The following EPHA5 variants were observed in gnomAD, a reference collection of about 807,000 sequenced individuals.
EPHA5 encodes the protein EPH receptor A5.
A neutral mutation model predicts 105.0 loss-of-function variants in EPHA5; 60 were observed. The observed-to-expected ratio is 0.57, with a 90% CI of 0.46 to 0.71. EPHA5 has a LOEUF of 0.71. EPHA5 is among the 30% of genes least tolerant of loss of function. The probability of loss-of-function intolerance (pLI) is 0.00; values close to 1 mark genes in which losing one functional copy is unlikely to be tolerated. For synonymous variants in EPHA5, 513 were observed against 449.1 expected, an observed-to-expected ratio of 1.14 and a Z score of -1.80; for missense variants, 1,218 against 1,274.7, an observed-to-expected ratio of 0.96 and a Z score of 0.68.
chr4:65,349,076 A>G (rs1410325708), intron 13 of EPHA5, among the ~76,000 whole-genome samples: 1 of 151,944 alleles, frequency 6.6e-6, no homozygotes, highest in East Asian at 1.9e-4. Flanking sequence ...TTAGCCTCCC[A>G]AAGTGCTGGG....
At chr4:65,468,558 A>G (rs949391135) in intron 5 of EPHA5, among the ~76,000 whole-genome samples, 2 of 61,178 alleles carry the variant, frequency 3.3e-5, no homozygotes, top group African/African-American at 1.4e-4. Flanking sequence ...TAATATATAT[A>G]TTATATATTA....
chr4:65,354,134 G>A (rs549276009), intron 11 of EPHA5, among the ~76,000 whole-genome samples: 2 of 151,690 alleles, frequency 1.3e-5, no homozygotes, highest in Admixed American at 6.6e-5. Flanking sequence ...GGGTTGTTGC[G>A]AGTATCTGCT....
At chr4:65,355,794 G>A (rs983193441) in intron 11 of EPHA5, among the ~76,000 whole-genome samples, 1 of 151,446 alleles carries the variant, frequency 6.6e-6, no homozygotes, top group African/African-American at 2.4e-5. Flanking sequence ...GGGCAACTCC[G>A]GCATCAGTTT....
rs76450921 is a variant in EPHA5, at chr4:65,374,168, G to A, written c.1794-6744C>T. On this transcript the variant is annotated intron_variant, in intron 8 of 16. Transcript: ENST00000613740. ...TGGTTGAGATGACAATAAAGGCAAC[G>A]GCAACTTAAACAATACCTTTGCTAA... Among the ~76,000 whole-genome samples the A allele has an allele frequency of 8.0e-3, 1,212 of 151,920 alleles. 13 individuals carry two copies. Among genetic ancestry groups the A allele is most frequent in the African/African-American group, 0.027 (1,133 of 41,480 alleles).
intron 8 of EPHA5, among the ~76,000 whole-genome samples, chr4:65,381,879 A>G (rs1719598908): frequency 6.6e-6 from 1 of 151,832 alleles, no homozygotes; most frequent in Non-Finnish European, 1.5e-5. Flanking sequence ...GCAAGGTGGT[A>G]AGAGAGCCCT....
intron 3 of EPHA5, among the ~76,000 whole-genome samples, chr4:65,584,969 C>T (rs1212313972): frequency 1.3e-5 from 2 of 151,792 alleles, no homozygotes; most frequent in African/African-American, 2.4e-5. Context: ...CTCTCCATGA[C>T]CAGAATGACA....
chr4:65,568,701 A>C (rs768327246), intron 3 of EPHA5, among the ~76,000 whole-genome samples: 1 of 150,998 alleles, frequency 6.6e-6, no homozygotes, highest in South Asian at 2.1e-4. Context: ...TCATATCAAT[A>C]GAAATAATAT....
At chr4:65,512,918 A>C (rs1411665712) in intron 3 of EPHA5, among the ~76,000 whole-genome samples, 2 of 151,140 alleles carry the variant, frequency 1.3e-5, no homozygotes, top group East Asian at 3.8e-4. Context: ...CTGCTGGCAA[A>C]ATCTGGAAAA....
At chr4:65,569,918 C>T (rs559535134) in intron 3 of EPHA5, among the ~76,000 whole-genome samples, 3 of 151,794 alleles carry the variant, frequency 2.0e-5, no homozygotes, top group African/African-American at 7.2e-5. Context: ...TTTGAAATCT[C>T]CCTGCTATAG....
At chr4:65,535,076 C>T (rs1415315144) in intron 3 of EPHA5, among the ~76,000 whole-genome samples, 3 of 152,164 alleles carry the variant, frequency 2.0e-5, no homozygotes, top group East Asian at 1.9e-4. Flanking sequence ...ACAGAGTCCA[C>T]ATGCTACAAA....
intron 3 of EPHA5, among the ~76,000 whole-genome samples, chr4:65,572,238 AT>A (rs1740266639): frequency 6.6e-6 from 1 of 152,158 alleles, no homozygotes. Flanking sequence ...TCTGAGGAAA[AT>A]AAATTATTAG....
chr4:65,331,745 T>C, intron 16 of EPHA5: 1 of 1,215,906 alleles, frequency 8.2e-7, no homozygotes. Flanking sequence ...TTCCAATTAT[T>C]CAAGTATGCC....
rs554332317 is a variant in EPHA5 at position 65,323,357 on chromosome 4, G to T, written c.*757C>A. 5.7e-5 allele frequency: 13 copies of T among 230,070 alleles called. No individual in the cohort carries two copies. The highest frequency in any genetic ancestry group is 9.5e-5 in the Non-Finnish European group (11 of 115,988). 14.3% of individuals were successfully genotyped at this position (230,070 alleles called of 1,614,324 possible). On this transcript the variant is annotated 3_prime_UTR_variant, in exon 17 of 17. Coordinates refer to ENST00000613740, the MANE Select transcript of EPHA5 (RefSeq NM_001281766.3). ...TGAAACACTATTAGAAATGCAAGCA[G>T]AATGGTAACACACACATGTGCAAGC...
chr4:65,344,773 T>C (rs1250209077), intron 14 of EPHA5, among the ~76,000 whole-genome samples: 1 of 152,186 alleles, frequency 6.6e-6, no homozygotes, highest in East Asian at 1.9e-4. Context: ...TAGAAAGTAG[T>C]AAATGGGTCT....
At chr4:65,495,976 TAATA>T (rs972656076) in intron 3 of EPHA5, among the ~76,000 whole-genome samples, 1 of 152,214 alleles carries the variant, frequency 6.6e-6, no homozygotes, top group Non-Finnish European at 1.5e-5. Flanking sequence ...TGTTATTGAA[TAATA>T]AATTAATTAA....
chr4:65,432,742 A>G (rs981020192), intron 5 of EPHA5, among the ~76,000 whole-genome samples: 3 of 151,828 alleles, frequency 2.0e-5, no homozygotes, highest in Non-Finnish European at 4.4e-5. Flanking sequence ...TAGTTTATTT[A>G]TTTATTTAAT....
intron 3 of EPHA5, among the ~76,000 whole-genome samples, chr4:65,506,056 T>G (rs1489686961): frequency 6.6e-6 from 1 of 152,100 alleles, no homozygotes; most frequent in Non-Finnish European, 1.5e-5. Flanking sequence ...TGTGTCCATG[T>G]GTTGTCATTG....
chr4:65,462,607 T>C (rs950551394), intron 5 of EPHA5, among the ~76,000 whole-genome samples: 8 of 152,122 alleles, frequency 5.3e-5, no homozygotes, highest in African/African-American at 1.9e-4. Context: ...GTCAGGGCAC[T>C]CCCTCTCTCC....
chr4:65,504,481 A>G (rs1454461487), intron 3 of EPHA5, among the ~76,000 whole-genome samples: 2 of 151,858 alleles, frequency 1.3e-5, no homozygotes, highest in Non-Finnish European at 2.9e-5. Flanking sequence ...CTATTCACTG[A>G]CAAATAATGT....
Sources: allele counts gnomAD v4.1 joint callset (sites outside exome capture counted in the v4.1 genomes callset), GRCh38; gene constraint gnomAD v4.1.1; transcripts MANE v1.5; gene names NCBI Gene and HGNC (gene_info 2026-07-23, HGNC 2026-07-21).